The following GNA13 variants were observed in gnomAD, a reference collection of about 807,000 sequenced individuals.
GNA13 encodes G protein subunit alpha 13.
Under a neutral mutation model 33.5 loss-of-function variants are expected in GNA13, and 4 were observed. That is an observed-to-expected ratio of 0.12 (90% CI 0.06 to 0.27). The LOEUF (loss-of-function observed/expected upper bound fraction) is 0.27. Among genes scored for constraint, GNA13 ranks in the 10% least tolerant of loss-of-function variants. The pLI is 1.00. For missense variants in GNA13, 319 were observed against 487.2 expected (o/e 0.65, Z 3.25); for synonymous variants, 176 against 183.8 (o/e 0.96, Z 0.34).
intron 2 of GNA13, among the ~76,000 whole-genome samples, chr17:65,037,934 T>C (rs1907317508): frequency 2.6e-5 from 4 of 152,082 alleles, no homozygotes; most frequent in Admixed American, 2.6e-4. Context: ...ACCTCCTCAA[T>C]TTCTATCTCT....
In GNA13 at chr17:65,056,417, G is replaced by C; in HGVS notation, c.177C>G (p.Ser59Arg). 6.2e-7 allele frequency: 1 copy of C among 1,613,692 alleles called. No homozygotes were observed. The change falls in exon 1 of 4, where the codon AGC (serine) becomes AGG (arginine). Residue 59 changes from serine (S) to arginine (R), a missense_variant. Transcript: ENST00000439174. ...VKILLLGAGESGKSTFLKQMR... is the reference protein window; with the variant it reads ...VKILLLGAGERGKSTFLKQMR... The stretch of plus-strand genomic sequence containing the variant: ...TCTGCTTCAGGAAGGTGGACTTGCC[G>C]CTCTCGCCCGCGCCCAGCAGCAGGA...
intron 2 of GNA13, among the ~76,000 whole-genome samples, chr17:65,029,751 T>C (rs981124435): frequency 3.9e-5 from 6 of 152,216 alleles, no homozygotes; most frequent in Admixed American, 3.9e-4. Context: ...GAGCAATAGC[T>C]ACATAAACAT....
rs1419487742 is a variant in GNA13, at chr17:65,009,867, TTAC to T, written c.*4387_*4389del. Among the ~76,000 whole-genome samples the T allele has an allele frequency of 6.6e-6, 1 of 152,184 alleles. No individual in the cohort carries two copies. Among genetic ancestry groups the T allele is most frequent in the Non-Finnish European group, 1.5e-5 (1 of 68,032 alleles). On this transcript the variant is annotated 3_prime_UTR_variant, in exon 4 of 4. Transcript: ENST00000439174. ...GGCATGATTAAGGACAATTTCTCAC[TTAC>T]TATGGCAAAAAATATTATATACAAG...
intron 2 of GNA13, among the ~76,000 whole-genome samples, chr17:65,031,898 G>GAA (rs1227051867): frequency 3.3e-4 from 47 of 142,458 alleles, no homozygotes; most frequent in African/African-American, 1.3e-3. Context: ...GAGAGAGAAA[G>GAA]AGAGAGAGAG....
intron 2 of GNA13, among the ~76,000 whole-genome samples, chr17:65,037,799 A>AAAAAAAAAAAAAAAC (rs1907310040): frequency 6.6e-6 from 1 of 150,380 alleles, no homozygotes; most frequent in African/African-American, 2.4e-5. Flanking sequence ...AAAAAAAAAA[A>AAAAAAAAAAAAAAAC]AGACAAAAAG....
At chr17:65,018,132 A>AAAAAAAG in intron 3 of GNA13, 121 bp downstream of exon 3, 1 of 166,208 alleles carries the variant, frequency 6.0e-6, no homozygotes, top group Non-Finnish European at 1.4e-5. Flanking sequence ...AAAAAAAAAA[A>AAAAAAAG]AAAAAAAGAG....
In GNA13 at chr17:65,012,408, CT is replaced by C. The variant is rs1567815030; in HGVS notation, c.*1848del. On this transcript the variant is annotated 3_prime_UTR_variant, in exon 4 of 4. Coordinates refer to ENST00000439174, the MANE Select transcript of GNA13 (RefSeq NM_006572.6). ...ATTTTGTGAATTTAAACAATGTATT[CT>C]TTTTGGCAAGAAGCACTAGATGTAG... The C allele has an allele frequency of 4.5e-6, 1 of 222,134 alleles. No individual in the cohort carries two copies. Among genetic ancestry groups the C allele is most frequent in the East Asian group, 6.6e-5 (1 of 15,210 alleles). 13.8% of individuals were successfully genotyped at this position (222,134 alleles called of 1,614,324 possible). A position where few individuals can be genotyped will look rare whatever the true frequency, so the allele number is the denominator to read the frequency against.
intron 2 of GNA13, among the ~76,000 whole-genome samples, chr17:65,027,714 G>A (rs1025120243): frequency 6.6e-6 from 1 of 152,118 alleles, no homozygotes; most frequent in African/African-American, 2.4e-5. Flanking sequence ...TTGAAACTAG[G>A]AACACTGACA....
Position 65,013,796 on chromosome 17 carries a change from T to C in GNA13, c.*461A>G, listed in dbSNP as rs1322925541. 4.6e-6 allele frequency: 1 copy of C among 216,054 alleles called. No homozygotes were observed. The highest frequency in any genetic ancestry group is 7.0e-5 in the East Asian group (1 of 14,224). The allele number at this position is 216,054 out of a possible 1,614,324, so 13.4% of individuals were successfully genotyped here. On this transcript the variant is annotated 3_prime_UTR_variant, in exon 4 of 4. Transcript: ENST00000439174. ...AGAACTTCTAACAGCCCTTACAAAA[T>C]AGGAGGTCACCATAAAGTTAGGCAA...
intron 2 of GNA13, among the ~76,000 whole-genome samples, chr17:65,031,870 GAGAGAGAGAGAGAGAGAGAGAGAGAA>G (rs1375716865): frequency 4.7e-5 from 5 of 105,272 alleles, no homozygotes; most frequent in Admixed American, 2.1e-4. Flanking sequence ...ACAACATAGA[GAGAGAGAGAGAGAGAGAGAGAGAGAA>G]AGAGAGAGAG....
chr17:65,036,719 T>C (rs976660814), intron 2 of GNA13, among the ~76,000 whole-genome samples: 1 of 152,130 alleles, frequency 6.6e-6, no homozygotes, highest in Non-Finnish European at 1.5e-5. Context: ...TAAATAAATA[T>C]ATAAATAAAT....
chr17:65,053,330 C>T, intron 2 of GNA13, 172 bp downstream of exon 2: 2 of 590,742 alleles, frequency 3.4e-6, no homozygotes, highest in Non-Finnish European at 6.0e-6. Context: ...TACACGTAGT[C>T]ATTAGAGACT....
rs1291905406 is a variant in GNA13, at chr17:65,014,561, T to C, written c.830A>G (p.Asn277Ser). Residue 277 changes from asparagine to serine, a missense_variant, in exon 4 of 4, where the codon AAT (asparagine) becomes AGT (serine). Physicochemically the swap from Asn to Ser is conservative, Grantham distance 46 (BLOSUM62 1). Coordinates refer to ENST00000439174, the MANE Select transcript of GNA13 (RefSeq NM_006572.6). The surrounding 1 kb of genome is among the most constrained non-coding windows in gnomAD (Gnocchi z 5.3). ...GGAGACATTGCTGAAAACCCGGTTA[T>C]TGACGATTGTTTCAAAAATGTTCAG... ...ESLNIFETIV[N>S]NRVFSNVSII... 6.2e-7 allele frequency: 1 copy of C among 1,614,182 alleles called. No individual in the cohort carries two copies. Among genetic ancestry groups the C allele is most frequent in the African/African-American group, 1.3e-5 (1 of 75,048 alleles).
In GNA13 at chr17:65,011,348, T is replaced by C. The variant is rs1323158930; in HGVS notation, c.*2909A>G. On this transcript the variant is annotated 3_prime_UTR_variant, in exon 4 of 4. Coordinates refer to ENST00000439174, the MANE Select transcript of GNA13 (RefSeq NM_006572.6). ...ATAAGACAAAAGTGAATGAGTTTTT[T>C]CATTCCATATTGCTTTCTTTGGTTG... 1.5e-5 allele frequency: 3 copies of C among 196,600 alleles called. No individual in the cohort carries two copies. The highest frequency in any genetic ancestry group is 6.9e-5 in the African/African-American group (3 of 43,256). 12.2% of individuals were successfully genotyped at this position (196,600 alleles called of 1,614,324 possible).
At chr17:65,047,251 G>A (rs900123510) in intron 2 of GNA13, among the ~76,000 whole-genome samples, 3 of 152,090 alleles carry the variant, frequency 2.0e-5, no homozygotes, top group Admixed American at 6.6e-5. Flanking sequence ...GGCTGGGTGA[G>A]GTGGCTCACT....
intron 2 of GNA13, among the ~76,000 whole-genome samples, chr17:65,047,860 T>C (rs1907722395): frequency 6.6e-6 from 1 of 152,186 alleles, no homozygotes; most frequent in African/African-American, 2.4e-5. Context: ...AACTGAAGTT[T>C]CTAGAATACT....
intron 2 of GNA13, among the ~76,000 whole-genome samples, chr17:65,045,906 A>G (rs1907642633): frequency 6.6e-6 from 1 of 152,208 alleles, no homozygotes; most frequent in Non-Finnish European, 1.5e-5. Flanking sequence ...ATGAAAGACA[A>G]GAAGAATGCT....
intron 2 of GNA13, among the ~76,000 whole-genome samples, chr17:65,031,895 AAAGAGAGAGAGAG>A (rs1907040695): frequency 7.3e-6 from 1 of 136,230 alleles, no homozygotes; most frequent in Non-Finnish European, 1.6e-5. Flanking sequence ...AGAGAGAGAG[AAAGAGAGAGAGAG>A]AGAGAGAGAG....
chr17:65,021,762 T>C (rs1227874770), intron 2 of GNA13, among the ~76,000 whole-genome samples: 2 of 152,234 alleles, frequency 1.3e-5, no homozygotes, highest in Admixed American at 1.3e-4. Flanking sequence ...GAGTAGAGTT[T>C]TTTAATTCAA....
Sources: allele counts gnomAD v4.1 joint callset (sites outside exome capture counted in the v4.1 genomes callset), GRCh38; gene constraint gnomAD v4.1.1; non-coding constraint Gnocchi (gnomAD v3.1); transcripts MANE v1.5; gene names NCBI Gene and HGNC (gene_info 2026-07-23, HGNC 2026-07-21).